NCOA2: variants seen among roughly 807,000 people sequenced by gnomAD.
The protein encoded by NCOA2 is class E basic helix-loop-helix protein 75.
Under a neutral mutation model 145.1 loss-of-function variants are expected in NCOA2, and 21 were observed. That is an observed-to-expected ratio of 0.14 (90% CI 0.10 to 0.21). NCOA2 has a LOEUF of 0.21. Among genes scored for constraint, NCOA2 ranks in the 10% least tolerant of loss-of-function variants. NCOA2 has a pLI of 1.00. For missense variants in NCOA2, 1,472 were observed against 1,837.6 expected (o/e 0.80, Z 3.64); for synonymous variants, 619 against 637.5 (o/e 0.97, Z 0.44).
At chr8:70,309,428 C>CA (rs35123410) in intron 1 of NCOA2, among the ~76,000 whole-genome samples, 15,867 of 146,504 alleles carry the variant, frequency 0.11, 1,274 homozygotes, top group East Asian at 0.41. Flanking sequence ...GCAACAAACA[C>CA]AAAAAAGGAT....
At chr8:70,426,335 C>T in the NCOA2 span, among the ~76,000 whole-genome samples, 1 of 152,202 alleles carries the variant, frequency 6.6e-6, no homozygotes, top group Non-Finnish European at 1.5e-5. Context: ...AACAAAATAA[C>T]TGCCTTTCAA....
At chr8:70,205,982 C>G (rs1481388461) in intron 4 of NCOA2, among the ~76,000 whole-genome samples, 1 of 152,172 alleles carries the variant, frequency 6.6e-6, no homozygotes, top group Non-Finnish European at 1.5e-5. Context: ...AGGTAGCATA[C>G]TGATTCACCT....
At chr8:70,369,202 C>T (rs1810996287) in intron 1 of NCOA2, among the ~76,000 whole-genome samples, 1 of 152,154 alleles carries the variant, frequency 6.6e-6, no homozygotes, top group African/African-American at 2.4e-5. Context: ...CTGACGTAGT[C>T]TAAAAAATTC....
chr8:70,319,571 A>AAATAAAT (rs1270496635), intron 1 of NCOA2, among the ~76,000 whole-genome samples: 5 of 129,154 alleles, frequency 3.9e-5, no homozygotes, highest in African/African-American at 1.7e-4. Flanking sequence ...AATAAATAAA[A>AAATAAAT]GCTCTATTTA....
At position 70,111,115 on chromosome 8, in the gene NCOA2, G is replaced by GT. The variant is rs1426618650; in HGVS notation, c.*2516dup. On this transcript the variant is annotated 3_prime_UTR_variant, in exon 23 of 23. Transcript: ENST00000452400. ...CAAAATCCATTACCTGATTGAAACC[G>GT]TAAGAGAATTTATCATCTCTTTTCC... 1 of 219,508 alleles carries GT rather than the reference G, an allele frequency of 4.6e-6. No individual in the cohort carries two copies. Among genetic ancestry groups the GT allele is most frequent in the Non-Finnish European group, 9.1e-6 (1 of 109,588 alleles). 13.6% of individuals were successfully genotyped at this position (219,508 alleles called of 1,614,324 possible).
At chr8:70,155,848 T>C (rs1278166567) in intron 11 of NCOA2, 123 bp downstream of exon 11, 2 of 771,486 alleles carry the variant, frequency 2.6e-6, no homozygotes, top group East Asian at 2.8e-5. Context: ...ATTTTCAAGA[T>C]AAGAACAACA....
intron 4 of NCOA2, among the ~76,000 whole-genome samples, chr8:70,203,160 G>A (rs1040038503): frequency 5.9e-5 from 9 of 151,334 alleles, no homozygotes; most frequent in Non-Finnish European, 1.3e-4. Context: ...CTAATCAGGA[G>A]GCTGACGCAG....
chr8:70,371,436 C>G (rs539325615), intron 1 of NCOA2, among the ~76,000 whole-genome samples: 1 of 151,914 alleles, frequency 6.6e-6, no homozygotes, highest in Non-Finnish European at 1.5e-5. Flanking sequence ...AAGAATAGCA[C>G]AGAATAATCT....
At chr8:70,276,467 G>A (rs1339343403) in intron 2 of NCOA2, among the ~76,000 whole-genome samples, 1 of 152,162 alleles carries the variant, frequency 6.6e-6, no homozygotes, top group African/African-American at 2.4e-5. Flanking sequence ...ATCTCATCAT[G>A]AATTGTAGTT....
At chr8:70,128,579 C>T in intron 17 of NCOA2, 69 bp from the exon 18 acceptor site, 1 of 1,590,406 alleles carries the variant, frequency 6.3e-7, no homozygotes, top group East Asian at 2.2e-5. Flanking sequence ...TCAAGTTTCC[C>T]AAGTAACTGC....
At chr8:70,159,723 A>G in intron 9 of NCOA2, 71 bp from the exon 10 acceptor site, 2 of 1,343,200 alleles carry the variant, frequency 1.5e-6, no homozygotes, top group Non-Finnish European at 2.0e-6. Flanking sequence ...GACAAGACAT[A>G]ATAAGAGTAA....
chr8:70,113,407 T>A lies in NCOA2; in HGVS notation c.*225A>T, dbSNP rs1389948525. 4 of 593,708 alleles carry A rather than the reference T, an allele frequency of 6.7e-6. No individual in the cohort carries two copies. The highest frequency in any genetic ancestry group is 1.2e-5 in the Non-Finnish European group (4 of 332,076). 36.8% of individuals were successfully genotyped at this position (593,708 alleles called of 1,614,324 possible). ...ACTAAGGTGAATGCAGTGAACAGACTGAGCGACTGTCTGGATGCGAGCTTC... is the reference window on the plus strand; with the variant it reads ...ACTAAGGTGAATGCAGTGAACAGACAGAGCGACTGTCTGGATGCGAGCTTC... On this transcript the variant is annotated 3_prime_UTR_variant, in exon 23 of 23. Coordinates refer to ENST00000452400, the MANE Select transcript of NCOA2 (RefSeq NM_006540.4).
At chr8:70,135,433 G>A (rs1481381755) in intron 15 of NCOA2, among the ~76,000 whole-genome samples, 1 of 152,136 alleles carries the variant, frequency 6.6e-6, no homozygotes, top group Non-Finnish European at 1.5e-5. Flanking sequence ...TAAGTTTCTA[G>A]TGGATGAAAA....
chr8:70,218,933 G>A (rs895899309), intron 2 of NCOA2, among the ~76,000 whole-genome samples: 1 of 152,100 alleles, frequency 6.6e-6, no homozygotes, highest in Non-Finnish European at 1.5e-5. Context: ...ATACTAAAAT[G>A]TATAGTATTA....
chr8:70,202,761 ACAATGTG>A (rs1230977782), intron 4 of NCOA2, among the ~76,000 whole-genome samples: 2 of 152,220 alleles, frequency 1.3e-5, no homozygotes, highest in Non-Finnish European at 2.9e-5. Context: ...CCACTGTACA[ACAATGTG>A]CATATAGTTA....
intron 1 of NCOA2, among the ~76,000 whole-genome samples, chr8:70,310,217 G>A (rs1298481050): frequency 6.6e-6 from 1 of 151,512 alleles, no homozygotes; most frequent in African/African-American, 2.4e-5. Context: ...TGCGGGGGGT[G>A]CCTGTAATCC....
chr8:70,290,440 G>C (rs1056547218), intron 2 of NCOA2, among the ~76,000 whole-genome samples: 2 of 151,912 alleles, frequency 1.3e-5, no homozygotes, highest in African/African-American at 4.8e-5. Flanking sequence ...CGCCTGCCTC[G>C]GCCTCTCAAA....
chr8:70,376,386 C>G (rs1226021609), intron 1 of NCOA2, among the ~76,000 whole-genome samples: 3 of 152,178 alleles, frequency 2.0e-5, no homozygotes, highest in East Asian at 1.9e-4. Context: ...CACACACACA[C>G]ACACAAACGT....
chr8:70,428,366 G>A, the NCOA2 span, among the ~76,000 whole-genome samples: 60 of 152,064 alleles, frequency 3.9e-4, no homozygotes, highest in African/African-American at 1.4e-3. Context: ...AGGCTGAGGC[G>A]GGAGGATCCC....
Sources: gnomAD v4.1 joint callset for allele counts (sites outside exome capture counted in the v4.1 genomes callset) on GRCh38, gnomAD v4.1.1 for gene constraint, MANE v1.5 for transcripts, NCBI Gene and HGNC (gene_info 2026-07-23, HGNC 2026-07-21) for gene names.